The following CCDC33 variants were observed in gnomAD, a reference collection of about 807,000 sequenced individuals.
The protein encoded by CCDC33 is coiled-coil domain-containing protein 33.
In CCDC33, 94 loss-of-function variants were observed where a neutral mutation model predicts 91.9. That is an observed-to-expected ratio of 1.02 (90% CI 0.87 to 1.21). The LOEUF (loss-of-function observed/expected upper bound fraction) is 1.21. Ranked by LOEUF, CCDC33 falls within the 50% of genes most tolerant of loss-of-function variation. The pLI, the probability that CCDC33 is intolerant of heterozygous loss-of-function variation, is 0.00. For synonymous variants in CCDC33, 396 were observed against 374.5 expected (o/e 1.06, Z -0.66); for missense variants, 940 against 935.5 (o/e 1.00, Z -0.06).
At chr15:74,203,554 G>A (rs1450833487) in intron 1 of CCDC33, among the ~76,000 whole-genome samples, 2 of 152,208 alleles carry the variant, frequency 1.3e-5, no homozygotes, top group African/African-American at 2.4e-5. Flanking sequence ...AAGGGGCTTC[G>A]GCTTGGACCC....
At chr15:74,263,669 G>A (rs111761074) in intron 3 of CCDC33, among the ~76,000 whole-genome samples, 1,967 of 152,346 alleles carry the variant, frequency 0.013, 43 homozygotes, top group African/African-American at 0.044. Flanking sequence ...AGGCACATGC[G>A]TGCCTGTGTG....
chr15:74,286,247 A>G (rs904303760), intron 10 of CCDC33, among the ~76,000 whole-genome samples: 1 of 152,134 alleles, frequency 6.6e-6, no homozygotes, highest in Non-Finnish European at 1.5e-5. Flanking sequence ...CTGTGTCTCA[A>G]AAACAAAAAC....
At chr15:74,214,425 C>T (rs962369430), upstream of CCDC33, among the ~76,000 whole-genome samples, 1 of 152,148 alleles carries the variant, frequency 6.6e-6, no homozygotes, top group Non-Finnish European at 1.5e-5. Flanking sequence ...GCCCTGCCCC[C>T]CAGAGACAGT....
intron 2 of CCDC33, among the ~76,000 whole-genome samples, chr15:74,219,803 A>G (rs2074542292): frequency 6.6e-6 from 1 of 152,154 alleles, no homozygotes; most frequent in African/African-American, 2.4e-5. Flanking sequence ...GGATAGCAAT[A>G]CTGGGCTTTG....
intron 2 of CCDC33, among the ~76,000 whole-genome samples, chr15:74,210,881 A>G (rs74522625): frequency 0.027 from 4,180 of 152,292 alleles, 93 homozygotes; most frequent in Non-Finnish European, 0.042. Flanking sequence ...TAGCTGGGTG[A>G]AAAACAGTTG....
intron 2 of CCDC33, among the ~76,000 whole-genome samples, chr15:74,257,376 G>T (rs1312155589): frequency 2.0e-5 from 3 of 152,168 alleles, no homozygotes; most frequent in Non-Finnish European, 2.9e-5. Context: ...TGAAGCGGGG[G>T]CGAGAAGAGA....
chr15:74,239,176 CG>C, intron 1 of CCDC33, among the ~76,000 whole-genome samples: 1 of 152,176 alleles, frequency 6.6e-6, no homozygotes, highest in South Asian at 2.1e-4. Flanking sequence ...TTCAGACACA[CG>C]GCCCTTCTAG....
chr15:74,321,831 G>A (rs2060213123), intron 11 of CCDC33, among the ~76,000 whole-genome samples: 1 of 152,240 alleles, frequency 6.6e-6, no homozygotes, highest in African/African-American at 2.4e-5. Context: ...CTGGGTCAAA[G>A]GATTTGCCTG....
intron 11 of CCDC33, among the ~76,000 whole-genome samples, chr15:74,313,415 C>CTTTTTTTTTTTTT (rs35519774): frequency 2.1e-4 from 20 of 94,178 alleles, no homozygotes; most frequent in South Asian, 8.6e-4. Context: ...TTCTTTCTTT[C>CTTTTTTTTTTTTT]TTTTTTTTTT....
chr15:74,335,449 C>T (rs1184354696), intron 18 of CCDC33: 1 of 520,898 alleles, frequency 1.9e-6, no homozygotes, highest in East Asian at 3.2e-5. Context: ...GCCCTACCCC[C>T]CTGAATCCAT....
In CCDC33 at chr15:74,329,161, C is replaced by CATATAT. The variant is rs143161165; in HGVS notation, c.1291-1016_1291-1011dup. On this transcript the variant is annotated intron_variant, in intron 11 of 18. Coordinates refer to ENST00000398814, the MANE Select transcript of CCDC33 (RefSeq NM_025055.5). Reference sequence around the variant, plus strand: ...CATATAAATATAGCCTATTAATTTTCATATATATATATATATACATGCACA... The same window carrying CATATAT: ...CATATAAATATAGCCTATTAATTTTCATATATATATATATATATATATACATGCACA... 5.1e-3 allele frequency among the ~76,000 whole-genome samples: 756 copies of CATATAT among 149,342 alleles called. 2 individuals are homozygous for CATATAT. Among genetic ancestry groups the CATATAT allele is most frequent in the South Asian group, 0.025 (118 of 4,746 alleles).
chr15:74,287,472 G>A (rs898024164), intron 10 of CCDC33, among the ~76,000 whole-genome samples: 3 of 152,238 alleles, frequency 2.0e-5, no homozygotes, highest in Non-Finnish European at 2.9e-5. Context: ...ACCTGCTCAG[G>A]TTCTAGGTCC....
chr15:74,324,035 A>G (rs149627349), intron 11 of CCDC33, among the ~76,000 whole-genome samples: 4,394 of 147,190 alleles, frequency 0.03, 207 homozygotes, highest in African/African-American at 0.1. Context: ...GGTTACAGTG[A>G]GCCAAGATCA....
intron 11 of CCDC33, chr15:74,318,418 G>C (rs1017515007): frequency 1.8e-6 from 1 of 541,236 alleles, no homozygotes; most frequent in Non-Finnish European, 3.2e-6. Flanking sequence ...AGTGAACCTT[G>C]CATGATTTCA....
At chr15:74,255,340 C>CGT (rs1426145308) in intron 2 of CCDC33, among the ~76,000 whole-genome samples, 1 of 152,358 alleles carries the variant, frequency 6.6e-6, no homozygotes, top group East Asian at 1.9e-4. Context: ...CTCAAGCCCA[C>CGT]GACTGGTGAG....
At chr15:74,298,003 T>C (rs144573801) in intron 11 of CCDC33, among the ~76,000 whole-genome samples, 71 of 152,266 alleles carry the variant, frequency 4.7e-4, no homozygotes, top group African/African-American at 1.6e-3. Flanking sequence ...ACATCAGCCA[T>C]CTGGGCACTG....
At chr15:74,315,489 G>T (rs528513787) in intron 11 of CCDC33, among the ~76,000 whole-genome samples, 6 of 152,334 alleles carry the variant, frequency 3.9e-5, no homozygotes, top group Admixed American at 3.9e-4. Context: ...CTGTGGAATG[G>T]ACATGGAGAA....
intron 2 of CCDC33, among the ~76,000 whole-genome samples, chr15:74,247,544 T>C (rs529007131): frequency 6.6e-6 from 1 of 152,180 alleles, no homozygotes; most frequent in African/African-American, 2.4e-5. Context: ...TTTGCGATAA[T>C]GCAGATGAGC....
intron 10 of CCDC33, among the ~76,000 whole-genome samples, chr15:74,292,118 A>G (rs351195): frequency 0.053 from 8,079 of 152,338 alleles, 560 homozygotes; most frequent in African/African-American, 0.16. Context: ...CAGCAGGCAG[A>G]GCAAGGCTTG....
Sources: allele counts gnomAD v4.1 joint callset (sites outside exome capture counted in the v4.1 genomes callset), GRCh38; gene constraint gnomAD v4.1.1; transcripts MANE v1.5; gene names NCBI Gene and HGNC (gene_info 2026-07-23, HGNC 2026-07-21).